The following TMEM144 variants were observed in gnomAD, a reference collection of about 807,000 sequenced individuals.
TMEM144 encodes transmembrane protein 144.
In TMEM144, 39 loss-of-function variants were observed where a neutral mutation model predicts 43.6. The observed-to-expected ratio is 0.90, with a 90% CI of 0.69 to 1.17. The LOEUF (loss-of-function observed/expected upper bound fraction) is 1.17. TMEM144 is among the 50% of genes most tolerant of loss of function. The probability of loss-of-function intolerance (pLI) is 0.00; values close to 1 mark genes in which losing one functional copy is unlikely to be tolerated. For synonymous variants in TMEM144, 154 were observed against 133.6 expected (o/e 1.15, Z -1.06); for missense variants, 417 against 411.9 (o/e 1.01, Z -0.11).
intron 11 of TMEM144, among the ~76,000 whole-genome samples, chr4:158,241,989 CA>C: frequency 6.6e-6 from 1 of 152,184 alleles, no homozygotes; most frequent in Non-Finnish European, 1.5e-5. Context: ...ATATCCTTCA[CA>C]AAACTTTTAT....
rs1393573234 is a variant in TMEM144, at chr4:158,235,511, G to A, written c.563+6G>A. The A allele has an allele frequency of 6.2e-7, 1 of 1,610,642 alleles. No individual in the cohort carries two copies. Among genetic ancestry groups the A allele is most frequent in the Non-Finnish European group, 8.5e-7 (1 of 1,178,058 alleles). On this transcript the variant is annotated splice_donor_region_variant and intron_variant, in intron 8 of 12. Coordinates refer to ENST00000296529, the MANE Select transcript of TMEM144 (RefSeq NM_018342.5). ...ACAGTACACCACCGCATAGTGTAAGGAGAGGTTACTTCTTTGCTCTATTAC... is the reference window on the plus strand; with the variant it reads ...ACAGTACACCACCGCATAGTGTAAGAAGAGGTTACTTCTTTGCTCTATTAC...
At chr4:158,244,196 C>T in intron 11 of TMEM144, 100 bp from the exon 12 acceptor site, 1 of 782,716 alleles carries the variant, frequency 1.3e-6, no homozygotes. Context: ...GGTAGTTTTC[C>T]CTGAAAATAT....
chr4:158,220,745 T>A (rs1451173947), intron 6 of TMEM144, among the ~76,000 whole-genome samples: 3 of 152,232 alleles, frequency 2.0e-5, no homozygotes, highest in African/African-American at 7.2e-5. Flanking sequence ...ACATTTATGT[T>A]CAATTACTGT....
At chr4:158,213,728 T>A (rs1418196388) in intron 3 of TMEM144, 1 of 152,206 alleles carries the variant, frequency 6.6e-6, no homozygotes, top group Non-Finnish European at 1.5e-5. Context: ...CTTGGTAGTA[T>A]TTATCACCTG....
At chr4:158,246,742 G>C (rs1039469223) in intron 12 of TMEM144, among the ~76,000 whole-genome samples, 2 of 151,898 alleles carry the variant, frequency 1.3e-5, no homozygotes, top group African/African-American at 4.8e-5. Context: ...TAAAGAATTG[G>C]TTATTATCTC....
chr4:158,215,053 A>C (rs1422463403), intron 3 of TMEM144, 138 bp from the exon 4 acceptor site: 10 of 1,034,596 alleles, frequency 9.7e-6, no homozygotes, highest in Non-Finnish European at 1.3e-5. Context: ...TAGTCATAAG[A>C]ATGAAATGTG....
In TMEM144 at chr4:158,255,371, A is replaced by C. The variant is rs1736430322; in HGVS notation, c.*1844A>C. 6.6e-6 allele frequency: 1 copy of C among 151,062 alleles called. No homozygotes were observed. Among genetic ancestry groups the C allele is most frequent in the African/African-American group, 2.4e-5 (1 of 41,256 alleles). The allele number at this position is 151,062 out of a possible 1,614,324, so 9.4% of individuals were successfully genotyped here. A position where few individuals can be genotyped will look rare whatever the true frequency, so the allele number is the denominator to read the frequency against. On this transcript the variant is annotated 3_prime_UTR_variant, in exon 13 of 13. Coordinates refer to ENST00000296529, the MANE Select transcript of TMEM144 (RefSeq NM_018342.5). The stretch of plus-strand genomic sequence containing the variant: ...AGTTGGGATTTCCAATTTATATGCA[A>C]AATTTTAAATGTGAAGTAAAGCAGT...
intron 6 of TMEM144, among the ~76,000 whole-genome samples, chr4:158,225,393 G>C (rs1161076776): frequency 1.3e-5 from 2 of 152,176 alleles, no homozygotes; most frequent in African/African-American, 4.8e-5. Context: ...GTTGCTGTTG[G>C]TTGTAATAGA....
intron 6 of TMEM144, among the ~76,000 whole-genome samples, chr4:158,225,869 C>T (rs572421621): frequency 3.3e-5 from 5 of 152,328 alleles, no homozygotes; most frequent in East Asian, 1.9e-4. Context: ...GGATGGCCCT[C>T]GGGGGCTGAC....
intron 6 of TMEM144, among the ~76,000 whole-genome samples, chr4:158,231,655 A>G (rs1000665076): frequency 3.3e-5 from 5 of 152,144 alleles, no homozygotes; most frequent in Non-Finnish European, 7.4e-5. Flanking sequence ...GACAAAGAGT[A>G]TCTAGGGTGT....
At chr4:158,225,331 A>G (rs1734712682) in intron 6 of TMEM144, among the ~76,000 whole-genome samples, 1 of 152,164 alleles carries the variant, frequency 6.6e-6, no homozygotes, top group Non-Finnish European at 1.5e-5. Context: ...CAGCTCAGTT[A>G]GCCCCAGGGC....
intron 8 of TMEM144, 102 bp from the exon 9 acceptor site, chr4:158,237,423 G>T (rs1735404067): frequency 4.5e-6 from 4 of 882,974 alleles, no homozygotes; most frequent in Non-Finnish European, 7.2e-6. Flanking sequence ...GTTTTTGCTT[G>T]TTTGTGATTT....
rs188981842 is a variant in TMEM144, at chr4:158,219,067, C to T, written c.333-243C>T. Among the ~76,000 whole-genome samples, 122 of 152,158 alleles carry T rather than the reference C, an allele frequency of 8.0e-4. 1 individual carries two copies. Among genetic ancestry groups the T allele is most frequent in the Non-Finnish European group, 1.3e-3 (89 of 67,994 alleles). On this transcript the variant is annotated intron_variant, in intron 5 of 12. Transcript: ENST00000296529. ...GGCAGAGGTTGCAGTGAGCCAAGAT[C>T]ATACCACTGTACTCCAGCCTGGATG...
chr4:158,216,326 T>C (rs1219438000), intron 4 of TMEM144, among the ~76,000 whole-genome samples: 1 of 152,170 alleles, frequency 6.6e-6, no homozygotes, highest in East Asian at 1.9e-4. Flanking sequence ...ATATAGGACA[T>C]AGCAGAATGG....
At chr4:158,249,193 C>T (rs1736053087) in intron 12 of TMEM144, among the ~76,000 whole-genome samples, 1 of 152,226 alleles carries the variant, frequency 6.6e-6, no homozygotes, top group Non-Finnish European at 1.5e-5. Context: ...GCGTGAGCCA[C>T]CGTGCCCGGC....
At position 158,249,887 on chromosome 4, in the gene TMEM144, G is replaced by GGTGTGTGTGTGTGTGTGTGT. The variant is rs149144602; in HGVS notation, c.955-3530_955-3511dup. On this transcript the variant is annotated intron_variant, in intron 12 of 12. Transcript: ENST00000296529. ...CTGGGAAATCCAAAGCCTACTGCCA[G>GGTGTGTGTGTGTGTGTGTGT]GTGTGTGTGTGTGTGTGTGTGTGTG... 5.5e-3 allele frequency among the ~76,000 whole-genome samples: 746 copies of GGTGTGTGTGTGTGTGTGTGT among 134,482 alleles called. 5 individuals carry two copies. Among genetic ancestry groups the GGTGTGTGTGTGTGTGTGTGT allele is most frequent in the Middle Eastern group, 7.7e-3 (2 of 260 alleles). The allele number at this position is 134,482 out of a possible 152,430, so 88.2% of individuals were successfully genotyped here. A position where few individuals can be genotyped will look rare whatever the true frequency, so the allele number is the denominator to read the frequency against.
chr4:158,241,581 T>TGGTC lies in TMEM144; in HGVS notation c.876_879dup (p.Ser294GlyfsTer23). The TGGTC allele has an allele frequency of 6.2e-7, 1 of 1,613,998 alleles. No homozygotes were observed. The highest frequency in any genetic ancestry group is 8.5e-7 in the Non-Finnish European group (1 of 1,179,866). On this transcript the variant is annotated frameshift_variant, in exon 11 of 13. Coordinates refer to ENST00000296529, the MANE Select transcript of TMEM144 (RefSeq NM_018342.5). LOFTEE classifies it high-confidence loss of function. ...ATAGCAAATCACTCTCTGAGTGCTGTGGTCAGTTTTCCAATAATCACTGCT... is the reference window on the plus strand; with the variant it reads ...ATAGCAAATCACTCTCTGAGTGCTGTGGTCGGTCAGTTTTCCAATAATCACTGCT...
chr4:158,221,143 T>G (rs1734487400), intron 6 of TMEM144, among the ~76,000 whole-genome samples: 1 of 152,206 alleles, frequency 6.6e-6, no homozygotes, highest in Non-Finnish European at 1.5e-5. Context: ...TTTCTTTATA[T>G]GATATACAAA....
At chr4:158,231,164 C>T (rs1476468965) in intron 6 of TMEM144, among the ~76,000 whole-genome samples, 1 of 152,180 alleles carries the variant, frequency 6.6e-6, no homozygotes, top group African/African-American at 2.4e-5. Flanking sequence ...TTATAGCCAG[C>T]TCCTACACAG....
Sources: allele counts gnomAD v4.1 joint callset (sites outside exome capture counted in the v4.1 genomes callset), GRCh38; gene constraint gnomAD v4.1.1; transcripts MANE v1.5; gene names NCBI Gene and HGNC (gene_info 2026-07-23, HGNC 2026-07-21).